GDPD4: variants seen among roughly 807,000 people sequenced by gnomAD.
The protein encoded by GDPD4 is glycerophosphodiester phosphodiesterase domain containing 4.
A neutral mutation model predicts 67.8 loss-of-function variants in GDPD4; 60 were observed. The observed-to-expected ratio is 0.88, with a 90% CI of 0.72 to 1.10. The LOEUF (loss-of-function observed/expected upper bound fraction) is 1.10, where lower values mean the gene tolerates loss of function less well. Among genes scored for constraint, GDPD4 ranks in the 50% least tolerant of loss-of-function variants. The pLI is 0.00. For synonymous variants in GDPD4, 212 were observed against 210.9 expected, an observed-to-expected ratio of 1.00 and a Z score of -0.04; for missense variants, 623 against 613.9, an observed-to-expected ratio of 1.01 and a Z score of -0.16.
At chr11:77,234,655 A>G (rs1591534418) in intron 13 of GDPD4, among the ~76,000 whole-genome samples, 1 of 152,168 alleles carries the variant, frequency 6.6e-6, no homozygotes, top group East Asian at 1.9e-4. Flanking sequence ...AGCTTCATCT[A>G]TGTGCTGCAA....
intron 1 of GDPD4, among the ~76,000 whole-genome samples, chr11:77,301,233 C>T (rs1420639945): frequency 1.3e-5 from 2 of 152,018 alleles, no homozygotes; most frequent in Non-Finnish European, 2.9e-5. Flanking sequence ...AAAACTGAAC[C>T]CCTGATGTTT....
intron 10 of GDPD4, among the ~76,000 whole-genome samples, chr11:77,261,458 G>C (rs187131271): frequency 1.3e-5 from 2 of 151,650 alleles, no homozygotes; most frequent in African/African-American, 4.8e-5. Flanking sequence ...GGCTGGTCTC[G>C]AACTCCTGAC....
At chr11:77,248,888 ATT>A (rs568506140) in intron 11 of GDPD4, among the ~76,000 whole-genome samples, 2,268 of 122,356 alleles carry the variant, frequency 0.019, 24 homozygotes, top group Middle Eastern at 0.03. Flanking sequence ...TGCCCGGCTA[ATT>A]TTTTTTTTTT....
intron 11 of GDPD4, among the ~76,000 whole-genome samples, chr11:77,253,615 C>T (rs1178547868): frequency 6.6e-6 from 1 of 152,132 alleles, no homozygotes; most frequent in East Asian, 1.9e-4. Flanking sequence ...ACTATGTTAG[C>T]TCAGCCATGG....
intron 13 of GDPD4, 92 bp downstream of exon 13, chr11:77,243,602 G>T: frequency 9.0e-7 from 1 of 1,108,838 alleles, no homozygotes; most frequent in Non-Finnish European, 1.4e-6. Flanking sequence ...GAAATTCCGA[G>T]ATGGAAAGGG....
In GDPD4 at chr11:77,224,661, A is replaced by T. The variant is rs1270370617; in HGVS notation, c.1525+3203T>A. Among the ~76,000 whole-genome samples, 5 of 152,226 alleles carry T rather than the reference A, an allele frequency of 3.3e-5. No individual in the cohort carries two copies. The East Asian group carries it at 9.6e-4, about 29-fold the overall frequency. On this transcript the variant is annotated intron_variant, in intron 16 of 16. Transcript: ENST00000315938. ...TAACAAGCAGTGAGCCTGGAAGAGG[A>T]CCACAAACCTCAAATAAGATTGTAG... is the stretch of plus-strand genomic sequence containing the variant.
At chr11:77,254,959 CATG>C (rs1958977338) in intron 11 of GDPD4, among the ~76,000 whole-genome samples, 1 of 152,158 alleles carries the variant, frequency 6.6e-6, no homozygotes, top group Non-Finnish European at 1.5e-5. Flanking sequence ...TTTTAAATCA[CATG>C]ATAACACCAT....
At chr11:77,235,361 A>G (rs1958541519) in intron 13 of GDPD4, among the ~76,000 whole-genome samples, 1 of 152,116 alleles carries the variant, frequency 6.6e-6, no homozygotes, top group Non-Finnish European at 1.5e-5. Context: ...GCACAGCCCT[A>G]CAATAATTAA....
intron 14 of GDPD4, among the ~76,000 whole-genome samples, chr11:77,232,808 A>C (rs1271041600): frequency 6.6e-6 from 1 of 152,254 alleles, no homozygotes; most frequent in Non-Finnish European, 1.5e-5. Context: ...GCACATTGTA[A>C]GGATTCAATA....
At chr11:77,254,678 A>G (rs1267896872) in intron 11 of GDPD4, among the ~76,000 whole-genome samples, 1 of 152,188 alleles carries the variant, frequency 6.6e-6, no homozygotes, top group Non-Finnish European at 1.5e-5. Context: ...GGATATAACA[A>G]AGTTCCACGG....
intron 10 of GDPD4, among the ~76,000 whole-genome samples, chr11:77,261,579 T>C (rs1959119308): frequency 1.3e-5 from 2 of 152,204 alleles, no homozygotes; most frequent in South Asian, 4.1e-4. Context: ...CCCTCCAGAC[T>C]AAGGAAACCG....
intron 7 of GDPD4, among the ~76,000 whole-genome samples, 159 bp from the exon 8 acceptor site, chr11:77,270,119 C>T (rs1317188265): frequency 6.6e-6 from 1 of 152,096 alleles, no homozygotes; most frequent in Non-Finnish European, 1.5e-5. Context: ...GCCTGCATAC[C>T]CCCACAGGTC....
At chr11:77,284,889 A>T (rs568928492) in intron 3 of GDPD4, among the ~76,000 whole-genome samples, 196 bp downstream of exon 3, 3 of 152,196 alleles carry the variant, frequency 2.0e-5, no homozygotes, top group Non-Finnish European at 4.4e-5. Context: ...ACAGTGGAAG[A>T]AAGTACAATA....
At chr11:77,298,443 C>T (rs554582379) in intron 1 of GDPD4, among the ~76,000 whole-genome samples, 6 of 152,122 alleles carry the variant, frequency 3.9e-5, no homozygotes, top group South Asian at 4.1e-4. Context: ...ACCCGGGAGG[C>T]GGAGATTGCA....
rs746306300 is a variant in GDPD4 at position 77,258,484 on chromosome 11, C to G, written c.766G>C (p.Gly256Arg). Residue 256 changes from glycine to arginine, a missense_variant, in exon 11 of 17, where the codon GGG becomes CGG. Coordinates refer to ENST00000315938, the MANE Select transcript of GDPD4 (RefSeq NM_182833.3). ...CAGGCAGATTCTGGCTGAACTTCCC[C>G]AATATTGGTTGTTCTTTTCAGGTCA... The part of the protein sequence containing the change: ...DFDLKRTTNI[G>R]EVQPESACEN... 6.2e-7 allele frequency: 1 copy of G among 1,613,982 alleles called. No homozygotes were observed. The highest frequency in any genetic ancestry group is 1.1e-5 in the South Asian group (1 of 91,078).
chr11:77,226,317 G>A (rs1958336914), intron 16 of GDPD4, among the ~76,000 whole-genome samples: 1 of 152,096 alleles, frequency 6.6e-6, no homozygotes, highest in African/African-American at 2.4e-5. Flanking sequence ...CAGTGTGACT[G>A]TATTTGGAGA....
intron 13 of GDPD4, among the ~76,000 whole-genome samples, chr11:77,235,019 T>G (rs934834778): frequency 6.9e-5 from 9 of 129,968 alleles, no homozygotes; most frequent in African/African-American, 1.4e-4. Flanking sequence ...GTTTTTTTTT[T>G]TTTTTTTTTT....
chr11:77,218,005 A>AAAG (rs1237154120), intron 16 of GDPD4, among the ~76,000 whole-genome samples: 1 of 151,772 alleles, frequency 6.6e-6, no homozygotes, highest in Non-Finnish European at 1.5e-5. Context: ...TTAATTTTTA[A>AAAG]AAGTTTTTTA....
intron 11 of GDPD4, among the ~76,000 whole-genome samples, chr11:77,251,982 A>G (rs1958907759): frequency 6.6e-6 from 1 of 151,448 alleles, no homozygotes; most frequent in Non-Finnish European, 1.5e-5. Context: ...GAAGCTCTGT[A>G]CTATATTGTT....
Sources: gnomAD v4.1 joint callset for allele counts (sites outside exome capture counted in the v4.1 genomes callset) on GRCh38, gnomAD v4.1.1 for gene constraint, MANE v1.5 for transcripts, NCBI Gene and HGNC (gene_info 2026-07-23, HGNC 2026-07-21) for gene names.